ARVCF: variants seen among roughly 807,000 people sequenced by gnomAD.
ARVCF encodes splicing regulator ARVCF.
ARVCF carries 66 observed loss-of-function variants against 90.9 expected under a neutral mutation model. The observed-to-expected ratio is 0.73, with a 90% confidence interval of 0.60 to 0.89. The LOEUF (loss-of-function observed/expected upper bound fraction) is 0.89. Among genes scored for constraint, ARVCF ranks in the 40% least tolerant of loss-of-function variants. ARVCF has a pLI of 0.00. For synonymous variants in ARVCF, 653 were observed against 603.4 expected (o/e 1.08, Z -1.21); for missense variants, 1,469 against 1,382.3 (o/e 1.06, Z -1.00).
chr22:19,969,829 CGCAGAG>C (rs1170380187), downstream of ARVCF: 1 of 984,860 alleles, frequency 1.0e-6, no homozygotes, highest in African/African-American at 1.7e-5. Flanking sequence ...GCCCCAGACG[CGCAGAG>C]GCCCGACACA....
intron 17 of ARVCF, 63 bp downstream of exon 17, chr22:19,972,295 G>C: frequency 6.2e-7 from 1 of 1,605,174 alleles, no homozygotes; most frequent in South Asian, 1.1e-5. Context: ...AAACCAGCAG[G>C]CCCACTTCAG....
At chr22:20,000,279 C>T (rs1271203354) in intron 2 of ARVCF, among the ~76,000 whole-genome samples, 5 of 152,256 alleles carry the variant, frequency 3.3e-5, no homozygotes, top group African/African-American at 1.2e-4. Flanking sequence ...ACCGCTCATC[C>T]CTTCCAGAGC....
Position 19,972,800 on chromosome 22 carries a change from T to C in ARVCF, c.2578A>G (p.Lys860Glu). Residue 860 changes from lysine to glutamate, a missense_variant, in exon 16 of 20, where the codon AAG (lysine) becomes GAG (glutamate). Transcript: ENST00000263207. The stretch of plus-strand genomic sequence containing the variant: ...AAGCCCCCAGGACTCAGTGCTCCCT[T>C]AGGCCCCTTGGCAGTAGCAGCAGCT... ...QSAAATAKGP[K>E]GALSPGGFDD... The C allele has an allele frequency of 6.2e-7, 1 of 1,613,560 alleles. No homozygotes were observed.
chr22:19,974,284 C>A, intron 11 of ARVCF, 45 bp from the exon 12 acceptor site: 2 of 1,558,692 alleles, frequency 1.3e-6, no homozygotes, highest in Non-Finnish European at 8.7e-7. Flanking sequence ...AGAATCTGCT[C>A]TCATCCATCA....
At chr22:19,997,052 G>A (rs1403760191) in intron 2 of ARVCF, among the ~76,000 whole-genome samples, 2 of 152,240 alleles carry the variant, frequency 1.3e-5, no homozygotes, top group Admixed American at 6.5e-5. Flanking sequence ...CAGTGCCCAA[G>A]GCCAAAGGTG....
At chr22:19,988,188 C>T (rs1040567613) in intron 3 of ARVCF, among the ~76,000 whole-genome samples, 2 of 152,170 alleles carry the variant, frequency 1.3e-5, no homozygotes, top group African/African-American at 4.8e-5. Flanking sequence ...AGAGGCCACT[C>T]GGCTAGCATG....
rs148972132 is a variant in ARVCF, at chr22:19,980,979, C to T, written c.896+232G>A. On this transcript the variant is annotated intron_variant, in intron 5 of 19. Transcript: ENST00000263207. The stretch of plus-strand genomic sequence containing the variant: ...GTGTGGCTGGAGCAAGGCCAGTGGC[C>T]GGCACTCTTCCCAGCTTTCCTGGGC... The T allele has an allele frequency of 3.8e-3, 2,043 of 536,632 alleles. 9 individuals are homozygous for T. The highest frequency in any genetic ancestry group is 0.012 in the African/African-American group (629 of 51,858). The allele number at this position is 536,632 out of a possible 1,614,324, so 33.2% of individuals were successfully genotyped here. A position where few individuals can be genotyped will look rare whatever the true frequency, so the allele number is the denominator to read the frequency against.
chr22:20,011,422 T>C (rs1944827547), intron 1 of ARVCF, among the ~76,000 whole-genome samples: 1 of 152,106 alleles, frequency 6.6e-6, no homozygotes, highest in African/African-American at 2.4e-5. Flanking sequence ...TTCTAGATTG[T>C]TCTGAGGCCC....
chr22:19,984,443 C>T (rs1238977074), intron 3 of ARVCF, among the ~76,000 whole-genome samples: 1 of 152,166 alleles, frequency 6.6e-6, no homozygotes. Context: ...CCAGAGGCCC[C>T]AAGAGTCCCT....
Position 19,981,253 on chromosome 22 carries a change from G to A in ARVCF, c.854C>T (p.Ala285Val), listed in dbSNP as rs559641138. 8.3e-6 allele frequency: 13 copies of A among 1,560,910 alleles called. 1 individual carries two copies. The East Asian group carries it at 2.9e-4, about 35-fold the overall frequency. The change falls in exon 5 of 20, where the codon GCC (alanine) becomes GTC (valine). Residue 285 changes from alanine to valine, a missense_variant. Transcript: ENST00000263207. ...CCCACACTCAGGCCTCCTCCTTGTGGCCGTGCCATAGTCAGGCTCCAGCTC... is the reference window on the plus strand; with the variant it reads ...CCCACACTCAGGCCTCCTCCTTGTGACCGTGCCATAGTCAGGCTCCAGCTC... The part of the protein sequence containing the change: ...GPELEPDYGT[A>V]TRRRPECGRG...
chr22:19,995,347 T>G (rs1601648266), intron 2 of ARVCF, among the ~76,000 whole-genome samples: 13 of 127,732 alleles, frequency 1.0e-4, no homozygotes, highest in East Asian at 2.3e-4. Context: ...GATGGAGGAG[T>G]GGATGAAGGA....
downstream of ARVCF, chr22:19,968,512 C>T (rs745909655): frequency 3.1e-6 from 5 of 1,610,128 alleles, no homozygotes; most frequent in South Asian, 1.1e-5. Context: ...CCCTCACCTC[C>T]CCCACCCCCC....
intron 2 of ARVCF, among the ~76,000 whole-genome samples, chr22:20,008,507 G>C (rs1035689150): frequency 6.6e-6 from 1 of 152,186 alleles, no homozygotes; most frequent in Non-Finnish European, 1.5e-5. Flanking sequence ...AACCAGGCTG[G>C]GAGCTCCTCA....
intron 3 of ARVCF, among the ~76,000 whole-genome samples, chr22:19,983,384 G>C (rs1297242071): frequency 1.3e-5 from 2 of 152,248 alleles, no homozygotes; most frequent in Non-Finnish European, 2.9e-5. Flanking sequence ...AGCCAGGTTA[G>C]ATGCTCAGCG....
At chr22:19,989,771 A>G (rs1230374727) in intron 3 of ARVCF, among the ~76,000 whole-genome samples, 1 of 152,016 alleles carries the variant, frequency 6.6e-6, no homozygotes, top group Admixed American at 6.5e-5. Context: ...AAGAACCCAG[A>G]GGCCGCAGCA....
chr22:19,974,938 C>G (rs1943066856), intron 11 of ARVCF, among the ~76,000 whole-genome samples: 1 of 152,194 alleles, frequency 6.6e-6, no homozygotes, highest in Admixed American at 6.5e-5. Context: ...TGTCTCCAAA[C>G]TGGGGCTTCA....
At chr22:19,998,557 C>G (rs564851762) in intron 2 of ARVCF, among the ~76,000 whole-genome samples, 3 of 152,222 alleles carry the variant, frequency 2.0e-5, no homozygotes, top group Admixed American at 2.0e-4. Flanking sequence ...CCCAGGAGGC[C>G]AGGCTGAGGC....
chr22:19,993,214 G>A (rs968971482), intron 2 of ARVCF, among the ~76,000 whole-genome samples: 2 of 152,076 alleles, frequency 1.3e-5, no homozygotes, highest in African/African-American at 2.4e-5. Context: ...GAGCAACCCG[G>A]GATATGCTCC....
rs115929586 is a variant in ARVCF at position 19,993,587 on chromosome 22, T to C, written c.-18-2775A>G. Among the ~76,000 whole-genome samples, 950 of 152,286 alleles carry C rather than the reference T, an allele frequency of 6.2e-3. 21 individuals carry two copies. Among genetic ancestry groups the C allele is most frequent in the African/African-American group, 0.022 (899 of 41,572 alleles). On this transcript the variant is annotated intron_variant, in intron 2 of 19. Coordinates refer to ENST00000263207, the MANE Select transcript of ARVCF (RefSeq NM_001670.3). The stretch of plus-strand genomic sequence containing the variant: ...CCCCTAACCTGGTAAGGGCCCAGCA[T>C]TGCCTTGTCGGGTGGACCCCTCATG...
Sources: gnomAD v4.1 joint callset for allele counts (sites outside exome capture counted in the v4.1 genomes callset) on GRCh38, gnomAD v4.1.1 for gene constraint, MANE v1.5 for transcripts, NCBI Gene and HGNC (gene_info 2026-07-23, HGNC 2026-07-21) for gene names.